The following PPP3CB variants were observed in gnomAD, a reference collection of about 807,000 sequenced individuals.
The protein encoded by PPP3CB is serine/threonine-protein phosphatase 2B catalytic subunit beta isoform.
PPP3CB carries 8 observed loss-of-function variants against 66.4 expected under a neutral mutation model. That is an observed-to-expected ratio of 0.12 (90% CI 0.07 to 0.22). PPP3CB has a LOEUF of 0.22. Ranked by LOEUF, PPP3CB falls within the 10% of genes least tolerant of loss-of-function variation. The pLI is 1.00. For missense variants in PPP3CB, 319 were observed against 642.5 expected, an observed-to-expected ratio of 0.50 and a Z score of 5.44; for synonymous variants, 208 against 221.2, an observed-to-expected ratio of 0.94 and a Z score of 0.53.
intron 10 of PPP3CB, among the ~76,000 whole-genome samples, chr10:73,448,392 A>G (rs1017727718): frequency 6.6e-5 from 10 of 152,214 alleles, no homozygotes; most frequent in African/African-American, 2.4e-4. Context: ...ATGCAGGGAA[A>G]AGTACAAAAC....
intron 1 of PPP3CB, among the ~76,000 whole-genome samples, chr10:73,495,283 C>G (rs1211602760): frequency 6.6e-6 from 1 of 152,218 alleles, no homozygotes; most frequent in East Asian, 1.9e-4. Flanking sequence ...CTCCGGGTGG[C>G]ACCTGACGGC....
At chr10:73,476,260 C>A (rs1434628660) in intron 3 of PPP3CB, among the ~76,000 whole-genome samples, 1 of 152,146 alleles carries the variant, frequency 6.6e-6, no homozygotes, top group East Asian at 1.9e-4. Context: ...GGGAAATAAT[C>A]TGTTCTCGAT....
intron 4 of PPP3CB, among the ~76,000 whole-genome samples, chr10:73,473,616 A>AC (rs2056738196): frequency 6.6e-6 from 1 of 151,862 alleles, no homozygotes; most frequent in African/African-American, 2.4e-5. Flanking sequence ...GTACCACTGC[A>AC]CTCCAGCCAG....
intron 4 of PPP3CB, among the ~76,000 whole-genome samples, 163 bp downstream of exon 4, chr10:73,474,756 C>G (rs1038511853): frequency 6.6e-6 from 1 of 152,224 alleles, no homozygotes; most frequent in East Asian, 1.9e-4. Flanking sequence ...TTCTTAATAC[C>G]ATTAAACACC....
chr10:73,484,396 G>A (rs1014975004), intron 1 of PPP3CB, among the ~76,000 whole-genome samples: 27 of 151,726 alleles, frequency 1.8e-4, no homozygotes, highest in African/African-American at 5.6e-4. Flanking sequence ...TCAGCCTCCC[G>A]AGTAGCTGGG....
intron 10 of PPP3CB, chr10:73,448,706 C>A (rs2056299226): frequency 1.9e-6 from 1 of 532,668 alleles, no homozygotes; most frequent in Non-Finnish European, 3.8e-6. Context: ...GATGGAGAGT[C>A]CAGAAAAAAG....
At chr10:73,468,249 A>G (rs903130872) in intron 8 of PPP3CB, among the ~76,000 whole-genome samples, 28 of 152,300 alleles carry the variant, frequency 1.8e-4, no homozygotes, top group Admixed American at 1.8e-3. Flanking sequence ...TTTGTTTAGA[A>G]AAAAAATCCT....
chr10:73,443,504 A>C (rs1478822769), intron 12 of PPP3CB, among the ~76,000 whole-genome samples: 2 of 152,204 alleles, frequency 1.3e-5, no homozygotes, highest in Non-Finnish European at 2.9e-5. Context: ...ATTATGACTA[A>C]GGAAAACATC....
At position 73,479,398 on chromosome 10, in the gene PPP3CB, T is replaced by C. The variant is rs371896052; in HGVS notation, c.205A>G (p.Ile69Val). The change falls in exon 2 of 14, where the codon ATT (isoleucine) becomes GTT (valine). Residue 69 changes from isoleucine (I) to valine (V), a missense_variant. By Grantham distance (29) the Ile-to-Val change is conservative. This residue lies in a region of PPP3CB where 104 missense variants were observed against 128.4 expected (regional missense o/e 0.81). Transcript: ENST00000360663. The part of the protein sequence containing the change: ...LVKEGRVDEE[I>V]ALRIINEGAA... Reference sequence around the variant, plus strand: ...CCCTCATTGATAATTCTAAGCGCAATTTCTTCATCTACTCGACCTTCTTTC... The same window carrying C: ...CCCTCATTGATAATTCTAAGCGCAACTTCTTCATCTACTCGACCTTCTTTC... 1.6e-5 allele frequency: 26 copies of C among 1,614,048 alleles called. No homozygotes were observed. Among genetic ancestry groups the C allele is most frequent in the Non-Finnish European group, 1.6e-5 (19 of 1,180,010 alleles).
Position 73,478,638 on chromosome 10 carries a change from T to C in PPP3CB, c.287-15A>G. On this transcript the variant is annotated splice_polypyrimidine_tract_variant and intron_variant, in intron 2 of 13. Coordinates refer to ENST00000360663, the MANE Select transcript of PPP3CB (RefSeq NM_021132.4). ...GTCACCACACACTGAAACAAGAAGATTATTAGATAAGGGAAAAAAATCTCT... is the reference window on the plus strand; with the variant it reads ...GTCACCACACACTGAAACAAGAAGACTATTAGATAAGGGAAAAAAATCTCT... 5 of 1,598,028 alleles carry C rather than the reference T, an allele frequency of 3.1e-6. No homozygotes were observed. Among genetic ancestry groups the C allele is most frequent in the Non-Finnish European group, 4.3e-6 (5 of 1,175,056 alleles).
At chr10:73,451,670 T>C (rs2056346336) in intron 10 of PPP3CB, among the ~76,000 whole-genome samples, 1 of 151,054 alleles carries the variant, frequency 6.6e-6, no homozygotes, top group African/African-American at 2.4e-5. Flanking sequence ...TTTGAGAGGC[T>C]GAGGTGGGAG....
chr10:73,445,390 G>A (rs571760953), intron 11 of PPP3CB, among the ~76,000 whole-genome samples: 35 of 152,302 alleles, frequency 2.3e-4, no homozygotes, highest in Admixed American at 2.0e-3. Flanking sequence ...AATCACCAGA[G>A]TCAAAAATCT....
intron 1 of PPP3CB, among the ~76,000 whole-genome samples, chr10:73,481,236 C>T (rs1191893162): frequency 6.7e-6 from 1 of 149,716 alleles, no homozygotes; most frequent in African/African-American, 2.5e-5. Flanking sequence ...ACTTGGGAGG[C>T]CAAGGCCAGT....
chr10:73,469,787 C>T (rs1286079865), intron 8 of PPP3CB, among the ~76,000 whole-genome samples: 1 of 152,196 alleles, frequency 6.6e-6, no homozygotes, highest in Non-Finnish European at 1.5e-5. Flanking sequence ...ACCTCATTCT[C>T]TCTCTAAATG....
intron 1 of PPP3CB, among the ~76,000 whole-genome samples, chr10:73,482,148 T>A (rs944798680): frequency 6.6e-6 from 1 of 151,944 alleles, no homozygotes; most frequent in African/African-American, 2.4e-5. Context: ...CTCTTACTAA[T>A]AAACACAAAT....
At chr10:73,493,206 G>A (rs1051973244) in intron 1 of PPP3CB, among the ~76,000 whole-genome samples, 10 of 151,374 alleles carry the variant, frequency 6.6e-5, no homozygotes, top group Non-Finnish European at 5.9e-5. Flanking sequence ...AACCCAGGAG[G>A]CAGAGGTTGC....
intron 2 of PPP3CB, 39 bp from the exon 3 acceptor site, chr10:73,478,662 C>G: frequency 6.4e-6 from 10 of 1,573,478 alleles, no homozygotes; most frequent in Non-Finnish European, 8.7e-6. Context: ...AAAAAAATCT[C>G]TAAAACAACA....
At chr10:73,495,552 C>T (rs2057182518) in intron 1 of PPP3CB, 1 of 331,358 alleles carries the variant, frequency 3.0e-6, no homozygotes, top group Non-Finnish European at 5.4e-6. Context: ...CAGCTAACAG[C>T]CTCACCCCTT....
At chr10:73,495,703 G>A (rs945325206) in intron 1 of PPP3CB, 102 bp downstream of exon 1, 1 of 1,453,952 alleles carries the variant, frequency 6.9e-7, no homozygotes. Flanking sequence ...CCAGTCACTC[G>A]CCCGCCCTTC....
Sources: allele counts gnomAD v4.1 joint callset (sites outside exome capture counted in the v4.1 genomes callset), GRCh38; gene constraint gnomAD v4.1.1; regional missense constraint gnomAD v4.1.1; transcripts MANE v1.5; gene names NCBI Gene and HGNC (gene_info 2026-07-23, HGNC 2026-07-21).